Variants in MYCBP2 observed in about 807,000 individuals in gnomAD.
MYCBP2 encodes the protein MYC binding protein 2, also known as E3 ubiquitin-protein ligase MYCBP2.
In MYCBP2, 120 loss-of-function variants were observed where a neutral mutation model predicts 525.3. The observed-to-expected ratio is 0.23, with a 90% CI of 0.20 to 0.27. MYCBP2 has a LOEUF of 0.27. Ranked by LOEUF, MYCBP2 falls within the 10% of genes least tolerant of loss-of-function variation. MYCBP2 has a pLI of 1.00. For synonymous variants in MYCBP2, 1,894 were observed against 1,955.8 expected (o/e 0.97, Z 0.83); for missense variants, 4,149 against 5,657.1 (o/e 0.73, Z 8.55).
At chr13:77,065,733 C>G (rs1467345955) in intron 72 of MYCBP2, among the ~76,000 whole-genome samples, 4 of 152,028 alleles carry the variant, frequency 2.6e-5, no homozygotes, top group African/African-American at 9.7e-5. Flanking sequence ...TCTGAAAGAG[C>G]ATATTTTATT....
At chr13:77,321,711 C>G (rs1318582540) in intron 1 of MYCBP2, among the ~76,000 whole-genome samples, 1 of 152,198 alleles carries the variant, frequency 6.6e-6, no homozygotes, top group Non-Finnish European at 1.5e-5. Context: ...GAATGCCATG[C>G]CTTTGTCATA....
At chr13:77,277,800 G>C (rs574911634) in intron 4 of MYCBP2, among the ~76,000 whole-genome samples, 2 of 152,236 alleles carry the variant, frequency 1.3e-5, no homozygotes, top group Non-Finnish European at 2.9e-5. Flanking sequence ...GAGAACCACA[G>C]CTCTAGTACT....
intron 29 of MYCBP2, among the ~76,000 whole-genome samples, chr13:77,189,639 T>C (rs1178601009): frequency 1.3e-5 from 2 of 152,180 alleles, no homozygotes; most frequent in African/African-American, 4.8e-5. Flanking sequence ...TCCATTTGAA[T>C]TCTTTATTCT....
chr13:77,083,978 T>C (rs1461569483), intron 62 of MYCBP2, among the ~76,000 whole-genome samples: 7 of 152,172 alleles, frequency 4.6e-5, no homozygotes, highest in East Asian at 1.9e-4. Context: ...CAATAATTTA[T>C]CTTTGAGATT....
At chr13:77,272,788 C>T (rs1371939121) in intron 5 of MYCBP2, among the ~76,000 whole-genome samples, 1 of 152,162 alleles carries the variant, frequency 6.6e-6, no homozygotes, top group Non-Finnish European at 1.5e-5. Context: ...CTTTGGTCTG[C>T]TAATAACAGG....
intron 44 of MYCBP2, among the ~76,000 whole-genome samples, chr13:77,161,329 T>C (rs2057892421): frequency 6.6e-6 from 1 of 152,232 alleles, no homozygotes; most frequent in African/African-American, 2.4e-5. Flanking sequence ...ATAGTACTCA[T>C]GTATTTCCAT....
In MYCBP2 at chr13:77,294,104, CTATATATA is replaced by C. The variant is rs1197370334; in HGVS notation, c.378+2487_378+2494del. On this transcript the variant is annotated intron_variant, in intron 2 of 82. Transcript: ENST00000544440. ...GATAGCCATAAAGTAGATATAATGG[CTATATATA>C]TATATATATATATATATACATATAT... 6.2e-4 allele frequency among the ~76,000 whole-genome samples: 26 copies of C among 41,910 alleles called. 2 individuals are homozygous for C. Among genetic ancestry groups the C allele is most frequent in the South Asian group, 1.8e-3 (2 of 1,102 alleles). 27.5% of individuals were successfully genotyped at this position (41,910 alleles called of 152,430 possible). A position where few individuals can be genotyped will look rare whatever the true frequency, so the allele number is the denominator to read the frequency against.
intron 4 of MYCBP2, among the ~76,000 whole-genome samples, chr13:77,275,588 T>A (rs1335421694): frequency 6.6e-6 from 1 of 151,876 alleles, no homozygotes; most frequent in East Asian, 1.9e-4. Context: ...ACTTGGGAGG[T>A]GGAGGCAGGA....
intron 68 of MYCBP2, among the ~76,000 whole-genome samples, chr13:77,073,558 T>A (rs2154091073): frequency 6.6e-6 from 1 of 152,026 alleles, no homozygotes; most frequent in South Asian, 2.1e-4. Context: ...CACAATAATA[T>A]AAGAAAAGAA....
At chr13:77,228,381 C>A (rs963625384) in intron 18 of MYCBP2, among the ~76,000 whole-genome samples, 1 of 151,842 alleles carries the variant, frequency 6.6e-6, no homozygotes, top group South Asian at 2.1e-4. Flanking sequence ...GTGGTGAATA[C>A]CTGCAGTCCC....
intron 26 of MYCBP2, among the ~76,000 whole-genome samples, chr13:77,200,501 A>G (rs1229129807): frequency 6.6e-6 from 1 of 152,126 alleles, no homozygotes; most frequent in Non-Finnish European, 1.5e-5. Flanking sequence ...TCCCCAATCT[A>G]GCAAGGCAGG....
rs368726958 is a variant in MYCBP2 at position 77,155,194 on chromosome 13, T to A, written c.6915+864A>T. On this transcript the variant is annotated intron_variant, in intron 46 of 82. Transcript: ENST00000544440. ...TTAAGTCATGTAAGCAATGTGTTCT[T>A]ATTTTTTACTTAGGTAAGATGCTAC... is the stretch of plus-strand genomic sequence containing the variant. Among the ~76,000 whole-genome samples, 9 of 152,258 alleles carry A rather than the reference T, an allele frequency of 5.9e-5. No homozygotes were observed. The South Asian group carries it at 1.9e-3, about 32-fold the overall frequency.
chr13:77,172,878 C>T (rs1013249379), intron 37 of MYCBP2, among the ~76,000 whole-genome samples: 1 of 152,200 alleles, frequency 6.6e-6, no homozygotes, highest in Non-Finnish European at 1.5e-5. Flanking sequence ...GTCGCAGTAG[C>T]GTAACTTAAC....
intron 49 of MYCBP2, 23 bp from the exon 50 acceptor site, chr13:77,140,966 G>A: frequency 4.6e-6 from 7 of 1,522,014 alleles, no homozygotes; most frequent in Non-Finnish European, 6.3e-6. Flanking sequence ...TCAGAGAACT[G>A]TAACATTTGA....
chr13:77,272,763 T>A (rs1017882821), intron 5 of MYCBP2, among the ~76,000 whole-genome samples: 8 of 152,190 alleles, frequency 5.3e-5, no homozygotes, highest in Non-Finnish European at 5.9e-5. Context: ...ATGACCAATA[T>A]ACTCCTTTTG....
chr13:77,326,479 G>A lies in MYCBP2; in HGVS notation c.297C>T (p.Ala99=). Reference sequence around the variant, plus strand: ...AGGGCACCCTGGGGACGCACCTGGAGGCTGGGTGTCCAGCGCTGCCGCCCC... The same window carrying A: ...AGGGCACCCTGGGGACGCACCTGGAAGCTGGGTGTCCAGCGCTGCCGCCCC... The part of the protein sequence containing the change: ...DQGGGSAGHP[A]SRNKKILNKK... The change falls in exon 1 of 83, where the codon GCC becomes GCT. Residue 99 remains alanine (A), a synonymous_variant. Transcript: ENST00000544440. The surrounding 1 kb of genome is among the most constrained non-coding windows in gnomAD (Gnocchi z 4.2). 1 of 1,574,892 alleles carries A rather than the reference G, an allele frequency of 6.3e-7. No individual in the cohort carries two copies. Among genetic ancestry groups the A allele is most frequent in the Non-Finnish European group, 8.6e-7 (1 of 1,162,414 alleles).
In MYCBP2 at chr13:77,205,283, A is replaced by T; in HGVS notation, c.3816T>A (p.Gly1272=). Residue 1272 remains glycine, a synonymous_variant, in exon 26 of 83, where the codon GGT becomes GGA. Coordinates refer to ENST00000544440, the MANE Select transcript of MYCBP2 (RefSeq NM_015057.5). The stretch of plus-strand genomic sequence containing the variant: ...TAATTTTAGCAGTATATTCTCCTCT[A>T]CCTCCAAACAGACCAAGACCACCAA... The part of the protein sequence containing the change: ...ILLGGLGLFG[G]RGEYTAKIKL... The T allele has an allele frequency of 6.2e-7, 1 of 1,612,396 alleles. No homozygotes were observed. Among genetic ancestry groups the T allele is most frequent in the Non-Finnish European group, 8.5e-7 (1 of 1,179,052 alleles).
intron 1 of MYCBP2, among the ~76,000 whole-genome samples, chr13:77,298,234 G>A (rs1352605057): frequency 6.6e-6 from 1 of 152,146 alleles, no homozygotes; most frequent in Non-Finnish European, 1.5e-5. Flanking sequence ...CCCTCTTCCT[G>A]AAATTCTCTA....
chr13:77,254,878 C>A (rs2071888748), intron 14 of MYCBP2, among the ~76,000 whole-genome samples: 1 of 151,908 alleles, frequency 6.6e-6, no homozygotes, highest in Non-Finnish European at 1.5e-5. Context: ...TATTTTATTG[C>A]AGTTAACATC....
Sources: allele counts gnomAD v4.1 joint callset (sites outside exome capture counted in the v4.1 genomes callset), GRCh38; gene constraint gnomAD v4.1.1; non-coding constraint Gnocchi (gnomAD v3.1); transcripts MANE v1.5; gene names NCBI Gene and HGNC (gene_info 2026-07-23, HGNC 2026-07-21).